Variants in SYBU observed in about 807,000 individuals in gnomAD.
The protein encoded by SYBU is GOLSYN A protein.
In SYBU, 21 loss-of-function variants were observed where a neutral mutation model predicts 35.9. The observed-to-expected ratio is 0.58, with a 90% CI of 0.41 to 0.84. The LOEUF (loss-of-function observed/expected upper bound fraction) is 0.84, where lower values mean the gene tolerates loss of function less well. SYBU is among the 40% of genes least tolerant of loss of function. SYBU has a pLI of 0.00. For missense variants in SYBU, 768 were observed against 848.2 expected (o/e 0.91, Z 1.17); for synonymous variants, 319 against 324.3 (o/e 0.98, Z 0.18).
At chr8:109,663,182 A>G (rs571235322) in intron 1 of SYBU, among the ~76,000 whole-genome samples, 18 of 152,312 alleles carry the variant, frequency 1.2e-4, no homozygotes, top group African/African-American at 4.3e-4. Flanking sequence ...CACAAGAAAC[A>G]TAAAGAGACA....
intron 1 of SYBU, among the ~76,000 whole-genome samples, chr8:109,672,504 T>C (rs1418778853): frequency 6.6e-6 from 1 of 152,190 alleles, no homozygotes; most frequent in African/African-American, 2.4e-5. Context: ...GAGGCCCAGA[T>C]ACTATGCTTT....
At chr8:109,613,670 C>G (rs141035569) in intron 3 of SYBU, among the ~76,000 whole-genome samples, 1 of 152,214 alleles carries the variant, frequency 6.6e-6, no homozygotes, top group African/African-American at 2.4e-5. Flanking sequence ...ATGGCCTACT[C>G]TAGGTAAGTT....
At chr8:109,628,815 C>G (rs1022079822) in intron 2 of SYBU, among the ~76,000 whole-genome samples, 2 of 147,952 alleles carry the variant, frequency 1.4e-5, no homozygotes, top group African/African-American at 5.3e-5. Context: ...GAGTGACATC[C>G]GTCTCAAAAA....
upstream of SYBU, among the ~76,000 whole-genome samples, chr8:109,682,470 G>A (rs986256357): frequency 6.6e-6 from 1 of 152,196 alleles, no homozygotes; most frequent in African/African-American, 2.4e-5. Flanking sequence ...AAAGAGACTG[G>A]TGGGATTTTC....
chr8:109,629,891 G>A (rs564505032), intron 2 of SYBU, among the ~76,000 whole-genome samples: 1 of 152,188 alleles, frequency 6.6e-6, no homozygotes, highest in African/African-American at 2.4e-5. Context: ...TTCTCTGATG[G>A]CCGGTGATGA....
chr8:109,688,665 T>C (rs1228931147), intron 1 of SYBU, among the ~76,000 whole-genome samples: 1 of 151,912 alleles, frequency 6.6e-6, no homozygotes, highest in East Asian at 1.9e-4. Context: ...CTATCCCGTC[T>C]ATCATGTCTG....
At chr8:109,610,502 A>C (rs1811057113) in intron 3 of SYBU, among the ~76,000 whole-genome samples, 1 of 152,224 alleles carries the variant, frequency 6.6e-6, no homozygotes, top group Non-Finnish European at 1.5e-5. Flanking sequence ...CAAATATGCC[A>C]GTCCGTGTAT....
At chr8:109,633,882 T>C (rs1813912734) in intron 2 of SYBU, among the ~76,000 whole-genome samples, 1 of 151,868 alleles carries the variant, frequency 6.6e-6, no homozygotes, top group South Asian at 2.1e-4. Flanking sequence ...TACAGGTGTG[T>C]GCCACCACAC....
At chr8:109,612,337 C>A (rs1373156769) in intron 3 of SYBU, among the ~76,000 whole-genome samples, 1 of 152,130 alleles carries the variant, frequency 6.6e-6, no homozygotes, top group Non-Finnish European at 1.5e-5. Context: ...ATGTATCCTT[C>A]CAAATATTTT....
chr8:109,645,452 G>A (rs1815559134), upstream of SYBU: 3 of 402,894 alleles, frequency 7.4e-6, no homozygotes, highest in African/African-American at 6.2e-5. Context: ...TGTAGCCAGA[G>A]AACAGTCTTT....
intron 2 of SYBU, among the ~76,000 whole-genome samples, chr8:109,635,602 G>A (rs1261638398): frequency 2.0e-5 from 3 of 152,086 alleles, no homozygotes; most frequent in African/African-American, 4.8e-5. Context: ...CCCCAATCCT[G>A]CTATTCCATA....
rs1380193184 is a variant in SYBU, at chr8:109,689,855, A to AC, written c.-58+1477dup. 3.5e-3 allele frequency among the ~76,000 whole-genome samples: 485 copies of AC among 139,414 alleles called. 3 individuals are homozygous for AC. The highest frequency in any genetic ancestry group is 0.012 in the African/African-American group (441 of 37,804). The allele number at this position is 139,414 out of a possible 152,430, so 91.5% of individuals were successfully genotyped here. A position where few individuals can be genotyped will look rare whatever the true frequency, so the allele number is the denominator to read the frequency against. Reference sequence around the variant, plus strand: ...ATGAAAAAAAAAAAAAAAAAAAAAAACCATGACTATTAGAGACAGCTGGTT... The same window carrying AC: ...ATGAAAAAAAAAAAAAAAAAAAAAAACCCATGACTATTAGAGACAGCTGGTT... On this transcript the variant is annotated intron_variant, in intron 1 of 7. Transcript: ENST00000422135.
intron 1 of SYBU, among the ~76,000 whole-genome samples, chr8:109,687,336 G>T (rs1180873643): frequency 6.6e-6 from 1 of 152,122 alleles, no homozygotes; most frequent in East Asian, 1.9e-4. Flanking sequence ...AGAGAATAAA[G>T]CTCAGGTCAA....
intron 3 of SYBU, 43 bp downstream of exon 3, chr8:109,618,799 A>C (rs1563729520): frequency 1.3e-6 from 2 of 1,576,522 alleles, no homozygotes; most frequent in Middle Eastern, 1.8e-4. Context: ...AACTACTCCC[A>C]TCACATTGTT....
intron 3 of SYBU, among the ~76,000 whole-genome samples, chr8:109,611,760 C>T (rs1452683402): frequency 6.6e-6 from 1 of 152,134 alleles, no homozygotes; most frequent in African/African-American, 2.4e-5. Flanking sequence ...ACGACCTTAA[C>T]ATTTTTTGCT....
intron 3 of SYBU, among the ~76,000 whole-genome samples, chr8:109,597,058 T>C (rs1274812263): frequency 6.6e-6 from 1 of 152,204 alleles, no homozygotes; most frequent in East Asian, 1.9e-4. Context: ...ACCCATTGTC[T>C]CATGGTAGCT....
intron 6 of SYBU, among the ~76,000 whole-genome samples, chr8:109,577,119 A>G (rs115461476): frequency 0.023 from 3,523 of 152,220 alleles, 129 homozygotes; most frequent in African/African-American, 0.081. Flanking sequence ...AGTTTTAGCA[A>G]CCAAGGTATT....
At chr8:109,586,222 C>T in intron 3 of SYBU, 60 bp from the exon 4 acceptor site, 2 of 1,273,874 alleles carry the variant, frequency 1.6e-6, no homozygotes, top group Admixed American at 4.0e-5. Flanking sequence ...ACACATTGGC[C>T]AGTTCCCTGC....
chr8:109,648,141 G>C (rs1586949024), upstream of SYBU: 1 of 151,350 alleles, frequency 6.6e-6, no homozygotes, highest in East Asian at 1.9e-4. Flanking sequence ...TTATGGTCTT[G>C]TTTTATCACC....
Sources: gnomAD v4.1 joint callset for allele counts (sites outside exome capture counted in the v4.1 genomes callset) on GRCh38, gnomAD v4.1.1 for gene constraint, MANE v1.5 for transcripts, NCBI Gene and HGNC (gene_info 2026-07-23, HGNC 2026-07-21) for gene names.